KLHDC4: variants seen among roughly 807,000 people sequenced by gnomAD.
The protein encoded by KLHDC4 is kelch domain-containing protein 4.
KLHDC4 carries 90 observed loss-of-function variants against 62.4 expected under a neutral mutation model. The observed-to-expected ratio is 1.44, with a 90% CI of 1.22 to 1.72. The LOEUF (loss-of-function observed/expected upper bound fraction) is 1.72, where lower values mean the gene tolerates loss of function less well. Ranked by LOEUF, KLHDC4 falls within the 40% of genes most tolerant of loss-of-function variation. KLHDC4 has a pLI of 0.00. For synonymous variants in KLHDC4, 386 were observed against 284.4 expected, an observed-to-expected ratio of 1.36 and a Z score of -3.59; for missense variants, 1,025 against 699.7, an observed-to-expected ratio of 1.47 and a Z score of -5.25.
At chr16:87,734,951 TCCTG>T (rs2041028831) in intron 5 of KLHDC4, among the ~76,000 whole-genome samples, 1 of 11,760 alleles carries the variant, frequency 8.5e-5, no homozygotes. Flanking sequence ...CCCCTCCCAC[TCCTG>T]ACGAATTGCC....
At chr16:87,759,723 A>G (rs980676021) in intron 2 of KLHDC4, among the ~76,000 whole-genome samples, 14 of 152,356 alleles carry the variant, frequency 9.2e-5, no homozygotes, top group African/African-American at 3.4e-4. Flanking sequence ...CTGGGCAACA[A>G]GAGCTACACT....
At chr16:87,747,882 G>C (rs571129789) in intron 5 of KLHDC4, among the ~76,000 whole-genome samples, 1 of 152,220 alleles carries the variant, frequency 6.6e-6, no homozygotes. Context: ...ATGTGGAGAA[G>C]GCCTGTGTGC....
chr16:87,729,450 A>G (rs1172834513), intron 6 of KLHDC4: 1 of 152,252 alleles, frequency 6.6e-6, no homozygotes, highest in Non-Finnish European at 1.5e-5. Context: ...ATGCCAGCAG[A>G]GAGCCTTCAA....
exon 1 of KLHDC4, chr16:87,702,347 G>A (rs2034183142): frequency 2.2e-6 from 1 of 451,026 alleles, no homozygotes. Flanking sequence ...AGGAAGATGG[G>A]TGTGAGGGTG....
At chr16:87,752,948 C>G (rs544996796) in intron 4 of KLHDC4, among the ~76,000 whole-genome samples, 47 of 152,170 alleles carry the variant, frequency 3.1e-4, no homozygotes, top group African/African-American at 1.9e-4. Context: ...CAACAGGAAG[C>G]GGGAAGTGCA....
At chr16:87,700,495 C>CAGAGGGTGGAGGGAGGAGGGAGGAA (rs1181385492) in exon 1 of KLHDC4, 4,801 of 132,702 alleles carry the variant, frequency 0.036, 148 homozygotes, top group Admixed American at 0.096. Context: ...GGGAGGAGGG[C>CAGAGGGTGGAGGGAGGAGGGAGGAA]AGAGGGTGGA....
chr16:87,723,558 C>T (rs1275224921), intron 7 of KLHDC4, among the ~76,000 whole-genome samples: 5 of 152,284 alleles, frequency 3.3e-5, no homozygotes, highest in Non-Finnish European at 7.3e-5. Flanking sequence ...TGCCCTCCCA[C>T]ATGCCAGAAT....
chr16:87,752,049 C>T (rs2044060311), intron 4 of KLHDC4, among the ~76,000 whole-genome samples: 1 of 126,566 alleles, frequency 7.9e-6, no homozygotes, highest in East Asian at 2.5e-4. Context: ...GAGATCGCGC[C>T]ACTGCACTCC....
At chr16:87,744,637 A>C (rs2042760618) in intron 5 of KLHDC4, among the ~76,000 whole-genome samples, 1 of 152,038 alleles carries the variant, frequency 6.6e-6, no homozygotes, top group Non-Finnish European at 1.5e-5. Flanking sequence ...TAAAAACAAA[A>C]TACATGAAAA....
At chr16:87,741,360 G>A (rs899567720) in intron 5 of KLHDC4, among the ~76,000 whole-genome samples, 2 of 152,204 alleles carry the variant, frequency 1.3e-5, no homozygotes, top group African/African-American at 4.8e-5. Context: ...CAGGAGGTGA[G>A]GGGGCCAGCA....
chr16:87,724,051 T>C (rs931239441), intron 7 of KLHDC4, among the ~76,000 whole-genome samples: 14 of 152,172 alleles, frequency 9.2e-5, no homozygotes, highest in African/African-American at 3.1e-4. Context: ...TTGGCCAGGC[T>C]GATCTCGAAC....
intron 10 of KLHDC4, 182 bp from the exon 11 acceptor site, chr16:87,708,648 G>A (rs2035136551): frequency 2.3e-6 from 1 of 438,684 alleles, no homozygotes; most frequent in Middle Eastern, 5.8e-4. Context: ...CGTTCCCCTG[G>A]GCTTCAGGAC....
intron 5 of KLHDC4, among the ~76,000 whole-genome samples, chr16:87,746,326 G>A (rs28627428): frequency 0.17 from 26,488 of 151,790 alleles, 2,817 homozygotes; most frequent in Non-Finnish European, 0.24. Flanking sequence ...AAAAGAGACA[G>A]AGAGGAGAAA....
rs555840292 is a variant in KLHDC4 at position 87,714,602 on chromosome 16, C to T, written c.760-29G>A. On this transcript the variant is annotated intron_variant, in intron 7 of 11. Coordinates refer to ENST00000270583, the MANE Select transcript of KLHDC4 (RefSeq NM_017566.4). ...CAATGGAAAGGAATTGTGTGAGAAC[C>T]GGGGGCAGCTACAGTGGTTGCTTAC... 1.4e-5 allele frequency: 22 copies of T among 1,612,188 alleles called. No individual in the cohort carries two copies. In the African/African-American group the frequency reaches 1.7e-4, roughly 13 times the overall value.
intron 7 of KLHDC4, among the ~76,000 whole-genome samples, chr16:87,720,282 C>T (rs1017831144): frequency 4.6e-5 from 7 of 152,180 alleles, no homozygotes; most frequent in Non-Finnish European, 1.5e-5. Flanking sequence ...CTAACGGCAG[C>T]ACTGATGTTC....
At chr16:87,714,935 C>A (rs2036639622) in intron 7 of KLHDC4, among the ~76,000 whole-genome samples, 1 of 152,250 alleles carries the variant, frequency 6.6e-6, no homozygotes, top group Non-Finnish European at 1.5e-5. Context: ...TGGATCCCCA[C>A]CGCCTTCCAA....
intron 2 of KLHDC4, among the ~76,000 whole-genome samples, chr16:87,758,691 C>G (rs914323564): frequency 1.3e-5 from 2 of 152,172 alleles, no homozygotes; most frequent in Admixed American, 1.3e-4. Flanking sequence ...AAAAAAAAAT[C>G]TCATCATGTT....
intron 1 of KLHDC4, among the ~76,000 whole-genome samples, chr16:87,763,325 G>A (rs1051406657): frequency 2.6e-5 from 4 of 151,896 alleles, no homozygotes; most frequent in Admixed American, 6.5e-5. Context: ...TAAATGGACT[G>A]GGCACAGTGG....
chr16:87,714,710 T>C (rs1342806539), intron 7 of KLHDC4, 137 bp from the exon 8 acceptor site: 1 of 878,474 alleles, frequency 1.1e-6, no homozygotes, highest in African/African-American at 1.6e-5. Flanking sequence ...CTCCAAAGCG[T>C]GCCTGCAGTG....
Sources: gnomAD v4.1 joint callset for allele counts (sites outside exome capture counted in the v4.1 genomes callset) on GRCh38, gnomAD v4.1.1 for gene constraint, MANE v1.5 for transcripts, NCBI Gene and HGNC (gene_info 2026-07-23, HGNC 2026-07-21) for gene names.